The following CD3D variants were observed in gnomAD, a reference collection of about 807,000 sequenced individuals.
The protein encoded by CD3D is CD3 delta subunit of T-cell receptor complex.
CD3D carries 22 observed loss-of-function variants against 22.0 expected under a neutral mutation model. The observed-to-expected ratio is 1.00, with a 90% confidence interval of 0.71 to 1.43. The LOEUF is 1.43. Ranked by LOEUF, CD3D falls within the 40% of genes most tolerant of loss-of-function variation. CD3D has a pLI of 0.00. For synonymous variants in CD3D, 74 were observed against 81.2 expected (o/e 0.91, Z 0.48); for missense variants, 205 against 211.7 (o/e 0.97, Z 0.20).
chr11:118,338,969 G>A (rs187207531), downstream of CD3D: 89 of 640,044 alleles, frequency 1.4e-4, no homozygotes, highest in East Asian at 2.2e-3. Flanking sequence ...GGCAGAGGAA[G>A]GAAGGAGATG....
At position 118,340,564 on chromosome 11, in the gene CD3D, G is replaced by C; in HGVS notation, c.85C>G (p.Leu29Val). 1 of 1,613,948 alleles carries C rather than the reference G, an allele frequency of 6.2e-7. No individual in the cohort carries two copies. The highest frequency in any genetic ancestry group is 8.5e-7 in the Non-Finnish European group (1 of 1,179,942). The change falls in exon 2 of 5, where the codon CTT becomes GTT. Residue 29 changes from leucine (L) to valine (V), a missense_variant. Transcript: ENST00000300692. ...CAATTCACAAACACTCTGTCCTCAA[G>C]TTCCTCTATAGGTATCTTGAAGGGG... ...VSPFKIPIEE[L>V]EDRVFVNCNT... is the part of the protein sequence containing the mutation.
At chr11:118,339,379 A>G in intron 4 of CD3D, 72 bp downstream of exon 4, 2 of 1,566,280 alleles carry the variant, frequency 1.3e-6, no homozygotes, top group Non-Finnish European at 1.8e-6. Flanking sequence ...ACGTGCAAAC[A>G]GCATTCAGTG....
chr11:118,339,718 AC>A (rs1177850978), intron 3 of CD3D, 56 bp downstream of exon 3: 1 of 1,601,318 alleles, frequency 6.2e-7, no homozygotes, highest in East Asian at 2.2e-5. Flanking sequence ...GTACACACAC[AC>A]ACACACACAC....
At position 118,340,535 on chromosome 11, in the gene CD3D, A is replaced by G. The variant is rs193284900; in HGVS notation, c.114T>C (p.Asn38=). Residue 38 remains asparagine (N), a synonymous_variant, in exon 2 of 5, where the codon AAT becomes AAC. Transcript: ENST00000300692. ...ELEDRVFVNC[N]TSITWVEGTV... is the part of the protein sequence containing the mutation. ...TTCCCTCTACCCATGTGATGCTGGT[A>G]TTGCAATTCACAAACACTCTGTCCT... 1 of 1,614,006 alleles carries G rather than the reference A, an allele frequency of 6.2e-7. No individual in the cohort carries two copies. The highest frequency in any genetic ancestry group is 2.2e-5 in the East Asian group (1 of 44,870).
At chr11:118,339,350 C>T in intron 4 of CD3D, 101 bp downstream of exon 4, 1 of 1,498,238 alleles carries the variant, frequency 6.7e-7, no homozygotes, top group Non-Finnish European at 9.3e-7. Flanking sequence ...GCAATGAACT[C>T]CCCAGTAGGA....
At chr11:118,339,646 A>G in intron 3 of CD3D, 129 bp downstream of exon 3, 2 of 1,560,376 alleles carry the variant, frequency 1.3e-6, no homozygotes, top group Non-Finnish European at 1.7e-6. Flanking sequence ...TGCAAGAGTA[A>G]CTCCCAGCTG....
At chr11:118,339,283 G>C in intron 4 of CD3D, 56 bp from the exon 5 acceptor site, 1 of 1,567,180 alleles carries the variant, frequency 6.4e-7, no homozygotes, top group Non-Finnish European at 8.8e-7. Flanking sequence ...CTTCAAGGAA[G>C]GGCCCCAGCA....
chr11:118,339,723 C>G (rs1333716335), intron 3 of CD3D, 52 bp downstream of exon 3: 2 of 1,609,240 alleles, frequency 1.2e-6, no homozygotes, highest in South Asian at 1.1e-5. Context: ...CACACACACA[C>G]ACACACACAC....
At chr11:118,339,994 C>G in intron 2 of CD3D, 88 bp from the exon 3 acceptor site, 1 of 1,545,446 alleles carries the variant, frequency 6.5e-7, no homozygotes, top group South Asian at 1.1e-5. Context: ...CCTTAGATCT[C>G]TTATGCCAAA....
In CD3D at chr11:118,339,786, C is replaced by T. The variant is rs202075788; in HGVS notation, c.395G>A (p.Arg132Lys). ...GCTCTTCCACTAACCCCCAGACAGCCTTCCAGTCTCATGTCCAGCAAAGCA... is the reference window on the plus strand; with the variant it reads ...GCTCTTCCACTAACCCCCAGACAGCTTTCCAGTCTCATGTCCAGCAAAGCA... ...VFCFAGHETG[R>K]LSGAADTQAL... is the part of the protein sequence containing the mutation. Residue 132 changes from arginine (R) to lysine (K), a missense_variant, in exon 3 of 5, where the codon AGG becomes AAG. Coordinates refer to ENST00000300692, the MANE Select transcript of CD3D (RefSeq NM_000732.6). 1.2e-6 allele frequency: 2 copies of T among 1,613,834 alleles called. No individual in the cohort carries two copies. The highest frequency in any genetic ancestry group is 1.7e-6 in the Non-Finnish European group (2 of 1,179,988).
rs567299359 is a variant in CD3D, at chr11:118,339,201, C to A, written c.477G>T (p.Gln159His). The A allele has an allele frequency of 6.2e-7, 1 of 1,613,926 alleles. No individual in the cohort carries two copies. The highest frequency in any genetic ancestry group is 8.5e-7 in the Non-Finnish European group (1 of 1,179,988). Residue 159 changes from glutamine (Q) to histidine (H), a missense_variant, in exon 5 of 5, where the codon CAG becomes CAT. Transcript: ENST00000300692. ...CCCAGTTTCCTCCAAGGTGGCTGTA[C>A]TGAGCATCATCTCGATCTCGGAGGG... ...YQPLRDRDDAQYSHLGGNWAR... is the reference protein window; with the variant it reads ...YQPLRDRDDAHYSHLGGNWAR...
At chr11:118,339,073 G>T, downstream of CD3D, 2 of 1,203,008 alleles carry the variant, frequency 1.7e-6, no homozygotes, top group Non-Finnish European at 2.5e-6. Context: ...CCAGGCACCT[G>T]CTGAGTGAAA....
rs1453104614 is a variant in CD3D at position 118,339,084 on chromosome 11, G to A, written c.*78C>T. On this transcript the variant is annotated 3_prime_UTR_variant, in exon 5 of 5. Coordinates refer to ENST00000300692, the MANE Select transcript of CD3D (RefSeq NM_000732.6). ...AAGCCCAGGCACCTGCTGAGTGAAA[G>A]AGGATATATTTATTGGCTGAGCAAG... 2 of 1,270,048 alleles carry A rather than the reference G, an allele frequency of 1.6e-6. No individual in the cohort carries two copies. Among genetic ancestry groups the A allele is most frequent in the Admixed American group, 1.7e-5 (1 of 59,534 alleles). The allele number at this position is 1,270,048 out of a possible 1,614,324, so 78.7% of individuals were successfully genotyped here. A position where few individuals can be genotyped will look rare whatever the true frequency, so the allele number is the denominator to read the frequency against.
rs1948275100 is a variant in CD3D, at chr11:118,339,101, C to T, written c.*61G>A. 8 of 1,401,094 alleles carry T rather than the reference C, an allele frequency of 5.7e-6. No homozygotes were observed. The highest frequency in any genetic ancestry group is 7.1e-6 in the Non-Finnish European group (7 of 985,722). 86.8% of individuals were successfully genotyped at this position (1,401,094 alleles called of 1,614,324 possible). ...GAGTGAAAGAGGATATATTTATTGG[C>T]TGAGCAAGAAGGGAAGGTACAGTTG... is the stretch of plus-strand genomic sequence containing the variant. On this transcript the variant is annotated 3_prime_UTR_variant, in exon 5 of 5. Transcript: ENST00000300692.
chr11:118,340,909 G>C (rs1349195895), intron 1 of CD3D: 3 of 575,762 alleles, frequency 5.2e-6, no homozygotes, highest in African/African-American at 3.7e-5. Flanking sequence ...GAGGAGTAGG[G>C]GGAGCACGGA....
rs1948310545 is a variant in CD3D at position 118,342,596 on chromosome 11, G to A, written c.12C>T (p.Ser4=). MEH[S]TFLSGLVLAT... ...CCAGTACCAGGCCAGAGAGAAACGTGCTATGTTCCATCTCCCAGCGGAACT... is the reference window on the plus strand; with the variant it reads ...CCAGTACCAGGCCAGAGAGAAACGTACTATGTTCCATCTCCCAGCGGAACT... The change falls in exon 1 of 5, where the codon AGC becomes AGT. Residue 4 remains serine (S), a synonymous_variant. Transcript: ENST00000300692. 6.2e-7 allele frequency: 1 copy of A among 1,613,614 alleles called. No individual in the cohort carries two copies. Among genetic ancestry groups the A allele is most frequent in the African/African-American group, 1.3e-5 (1 of 74,874 alleles).
chr11:118,342,625 C>T lies in CD3D; in HGVS notation c.-18G>A. The T allele has an allele frequency of 6.2e-7, 1 of 1,612,358 alleles. No homozygotes were observed. Among genetic ancestry groups the T allele is most frequent in the Non-Finnish European group, 8.5e-7 (1 of 1,178,568 alleles). On this transcript the variant is annotated 5_prime_UTR_variant, in exon 1 of 5. Coordinates refer to ENST00000300692, the MANE Select transcript of CD3D (RefSeq NM_000732.6). ...TGTTCCATCTCCCAGCGGAACTCAT[C>T]CAGTAGATAAAGCCAGGTCACCGAA...
At chr11:118,341,047 C>T (rs139096906) in intron 1 of CD3D, 139 of 436,622 alleles carry the variant, frequency 3.2e-4, no homozygotes, top group African/African-American at 2.6e-3. Context: ...ACTTCAGCTT[C>T]TTATCCTCAT....
intron 3 of CD3D, 112 bp from the exon 4 acceptor site, chr11:118,339,606 C>T: frequency 6.4e-7 from 1 of 1,563,616 alleles, no homozygotes; most frequent in Non-Finnish European, 8.8e-7. Flanking sequence ...GTTCTTTCAA[C>T]AGTCAAAGTT....
Sources: allele counts gnomAD v4.1 joint callset, GRCh38; gene constraint gnomAD v4.1.1; transcripts MANE v1.5; gene names NCBI Gene and HGNC (gene_info 2026-07-23, HGNC 2026-07-21).